GRID1: variants seen among roughly 807,000 people sequenced by gnomAD.
GRID1 encodes the protein glutamate ionotropic receptor delta type subunit 1, also known as glutamate receptor ionotropic, delta-1.
In GRID1, 28 loss-of-function variants were observed where a neutral mutation model predicts 98.0. The ratio of observed to expected loss-of-function variants is 0.29; its 90% CI spans 0.21 to 0.39. GRID1 has a LOEUF of 0.39. Among genes scored for constraint, GRID1 ranks in the 10% least tolerant of loss-of-function variants. The probability of loss-of-function intolerance (pLI) is 1.00; values close to 1 mark genes in which losing one functional copy is unlikely to be tolerated. For synonymous variants in GRID1, 553 were observed against 538.5 expected, an observed-to-expected ratio of 1.03 and a Z score of -0.37; for missense variants, 1,111 against 1,340.5, an observed-to-expected ratio of 0.83 and a Z score of 2.67.
At chr10:86,153,941 A>G (rs1482147736) in intron 3 of GRID1, among the ~76,000 whole-genome samples, 1 of 152,154 alleles carries the variant, frequency 6.6e-6, no homozygotes, top group African/African-American at 2.4e-5. Context: ...TCCTTCCAAA[A>G]TACCATCCTC....
chr10:85,701,205 C>T (rs918173192), intron 12 of GRID1, among the ~76,000 whole-genome samples: 12 of 152,122 alleles, frequency 7.9e-5, no homozygotes, highest in South Asian at 2.1e-4. Flanking sequence ...AATGCATCAT[C>T]TCCGTGGATT....
Position 85,893,684 on chromosome 10 carries a change from G to A in GRID1, c.780+22502C>T, listed in dbSNP as rs75578125. The stretch of plus-strand genomic sequence containing the variant: ...GGAGACTAATTTAACAACAAGACCT[G>A]TACACTTAACAGTGTAAAACATTGC... On this transcript the variant is annotated intron_variant, in intron 5 of 15. Transcript: ENST00000327946. 5.4e-3 allele frequency among the ~76,000 whole-genome samples: 821 copies of A among 152,226 alleles called. 32 individuals carry two copies. The highest frequency in any genetic ancestry group is 0.047 in the Admixed American group (717 of 15,282).
chr10:85,872,064 G>A (rs1843283422), intron 5 of GRID1, among the ~76,000 whole-genome samples: 1 of 152,152 alleles, frequency 6.6e-6, no homozygotes, highest in Non-Finnish European at 1.5e-5. Context: ...GCTTCAGGGA[G>A]GGGAGCAGAG....
intron 3 of GRID1, among the ~76,000 whole-genome samples, chr10:86,184,589 G>T (rs1205903598): frequency 2.0e-5 from 3 of 151,318 alleles, no homozygotes; most frequent in Non-Finnish European, 4.4e-5. Context: ...TATAAGTGGG[G>T]GTCCATTTTT....
chr10:86,205,862 C>T (rs1255737113), intron 3 of GRID1, among the ~76,000 whole-genome samples: 2 of 152,078 alleles, frequency 1.3e-5, no homozygotes, highest in South Asian at 2.1e-4. Context: ...TGTTCCCAAC[C>T]CCCAACCCCA....
chr10:86,017,553 T>G (rs1842995072), intron 4 of GRID1, among the ~76,000 whole-genome samples: 1 of 152,178 alleles, frequency 6.6e-6, no homozygotes, highest in South Asian at 2.1e-4. Flanking sequence ...CCAAAACCCT[T>G]GAGCAGGCAC....
At chr10:85,841,176 A>G (rs188546258) in intron 8 of GRID1, among the ~76,000 whole-genome samples, 129 of 152,278 alleles carry the variant, frequency 8.5e-4, no homozygotes, top group Non-Finnish European at 1.0e-4. Flanking sequence ...AAACCCACAA[A>G]TAAGTCCACA....
chr10:85,742,633 G>A (rs925491793), intron 8 of GRID1, among the ~76,000 whole-genome samples: 5 of 152,022 alleles, frequency 3.3e-5, no homozygotes, highest in South Asian at 2.1e-4. Context: ...CCATTTTCAC[G>A]GCACTGATCA....
At chr10:85,920,033 C>T (rs546934867) in intron 4 of GRID1, among the ~76,000 whole-genome samples, 10 of 152,138 alleles carry the variant, frequency 6.6e-5, no homozygotes, top group East Asian at 5.8e-4. Context: ...CAGAGTGCCA[C>T]GAAAACAAAT....
chr10:85,863,204 A>AGG (rs1843182379), intron 6 of GRID1, among the ~76,000 whole-genome samples: 2 of 152,324 alleles, frequency 1.3e-5, no homozygotes, highest in South Asian at 4.1e-4. Flanking sequence ...TACAAGATCA[A>AGG]GGTGCCTACA....
chr10:86,099,079 T>A (rs568935157), intron 4 of GRID1, among the ~76,000 whole-genome samples: 52 of 152,222 alleles, frequency 3.4e-4, no homozygotes, highest in Non-Finnish European at 6.9e-4. Context: ...AGGTCCAAAG[T>A]GATTACACTG....
At chr10:85,616,121 G>T (rs553369669) in intron 14 of GRID1, among the ~76,000 whole-genome samples, 38 of 152,340 alleles carry the variant, frequency 2.5e-4, no homozygotes, top group Non-Finnish European at 5.0e-4. Context: ...GTAGTTGTCA[G>T]CCTGATGGCC....
chr10:85,721,906 G>A (rs113756742), intron 12 of GRID1, among the ~76,000 whole-genome samples: 1 of 152,156 alleles, frequency 6.6e-6, no homozygotes, highest in Non-Finnish European at 1.5e-5. Context: ...TCAGTCAACT[G>A]TATCAGTGTC....
At chr10:86,141,975 C>A (rs892520973) in intron 3 of GRID1, among the ~76,000 whole-genome samples, 1 of 152,264 alleles carries the variant, frequency 6.6e-6, no homozygotes, top group Non-Finnish European at 1.5e-5. Flanking sequence ...CCGGCCTCAG[C>A]CAAGTGACCC....
At chr10:85,736,623 G>T (rs1199616938) in intron 8 of GRID1, among the ~76,000 whole-genome samples, 6 of 152,078 alleles carry the variant, frequency 3.9e-5, no homozygotes, top group Admixed American at 2.0e-4. Flanking sequence ...TCAGTGCATG[G>T]GCTTTTCTAA....
Position 86,174,178 on chromosome 10 carries a change from C to T in GRID1, c.520+32186G>A, listed in dbSNP as rs149506324. 7.7e-3 allele frequency among the ~76,000 whole-genome samples: 1,171 copies of T among 152,224 alleles called. 24 individuals are homozygous for T. Among genetic ancestry groups the T allele is most frequent in the African/African-American group, 0.026 (1,093 of 41,520 alleles). ...TTGACTTTCAAAAAAGAGCCTGCAT[C>T]GCCAAGTCAATCCTAAGCCAAAAGA... On this transcript the variant is annotated intron_variant, in intron 3 of 15. Transcript: ENST00000327946.
intron 3 of GRID1, among the ~76,000 whole-genome samples, chr10:86,183,376 T>C (rs1397875129): frequency 6.8e-6 from 1 of 147,364 alleles, no homozygotes; most frequent in East Asian, 2.0e-4. Context: ...ATTTATTTAT[T>C]GAGATAGAGT....
At chr10:86,289,151 T>A (rs1847476481) in intron 2 of GRID1, among the ~76,000 whole-genome samples, 1 of 152,160 alleles carries the variant, frequency 6.6e-6, no homozygotes. Flanking sequence ...CAGTGCTGGT[T>A]GGGAGAGACA....
intron 5 of GRID1, among the ~76,000 whole-genome samples, chr10:85,910,638 T>A (rs1432811323): frequency 6.6e-6 from 1 of 152,222 alleles, no homozygotes; most frequent in African/African-American, 2.4e-5. Context: ...CACACTGGGA[T>A]GACTTTGTCC....
Sources: allele counts gnomAD v4.1 joint callset (sites outside exome capture counted in the v4.1 genomes callset), GRCh38; gene constraint gnomAD v4.1.1; transcripts MANE v1.5; gene names NCBI Gene and HGNC (gene_info 2026-07-23, HGNC 2026-07-21).